Variants in PDE1A observed in about 807,000 individuals in gnomAD.
The protein encoded by PDE1A is phosphodiesterase 1A, also known as dual specificity calcium/calmodulin-dependent 3',5'-cyclic nucleotide phosphodiesterase 1A.
Under a neutral mutation model 61.7 loss-of-function variants are expected in PDE1A, and 35 were observed. The ratio of observed to expected loss-of-function variants is 0.57; its 90% CI spans 0.43 to 0.75. PDE1A has a LOEUF of 0.75. Ranked by LOEUF, PDE1A falls within the 30% of genes least tolerant of loss-of-function variation. PDE1A has a pLI of 0.00. For synonymous variants in PDE1A, 232 were observed against 213.2 expected (o/e 1.09, Z -0.77); for missense variants, 597 against 630.6 (o/e 0.95, Z 0.57).
In PDE1A at chr2:182,450,568, C is replaced by A. The variant is rs1351330771; in HGVS notation, c.101+71708G>T. 1.1e-4 allele frequency among the ~76,000 whole-genome samples: 16 copies of A among 140,650 alleles called. No individual in the cohort carries two copies. The East Asian group carries it at 2.9e-3, about 25-fold the overall frequency. The allele number at this position is 140,650 out of a possible 152,430, so 92.3% of individuals were successfully genotyped here. On this transcript the variant is annotated intron_variant, in intron 2 of 14. Coordinates refer to the PDE1A transcript ENST00000410103. ...AAAAATGTTTTCATAAAAAAAAAAA[C>A]CAACATTACTAGGGCAATGAAAATT...
At chr2:182,527,011 A>G (rs1288360308), upstream of PDE1A, among the ~76,000 whole-genome samples, 1 of 151,842 alleles carries the variant, frequency 6.6e-6, no homozygotes, top group East Asian at 1.9e-4. Context: ...AAATAAATAG[A>G]AAAAATTATT....
chr2:182,272,690 G>A (rs1324156775), intron 1 of PDE1A, among the ~76,000 whole-genome samples: 1 of 152,112 alleles, frequency 6.6e-6, no homozygotes, highest in East Asian at 1.9e-4. Flanking sequence ...GAAAGGAAGT[G>A]TGAGAGAAAC....
At chr2:182,711,231 G>A in the PDE1A span, among the ~76,000 whole-genome samples, 1 of 152,172 alleles carries the variant, frequency 6.6e-6, no homozygotes. Context: ...GAGCAATCCA[G>A]TATAAGGTAG....
intron 2 of PDE1A, among the ~76,000 whole-genome samples, chr2:182,250,544 T>C (rs967933981): frequency 6.6e-6 from 1 of 151,264 alleles, no homozygotes; most frequent in Admixed American, 6.6e-5. Flanking sequence ...AGCTTACCAA[T>C]TTATCTCAAT....
intron 2 of PDE1A, among the ~76,000 whole-genome samples, chr2:182,449,087 A>ACACACACACACACACACAC: frequency 7.1e-6 from 1 of 141,004 alleles, no homozygotes; most frequent in East Asian, 2.1e-4. Context: ...CACACACACA[A>ACACACACACACACACACAC]ACAAAACCCA....
At chr2:182,631,375 T>C in the PDE1A span, among the ~76,000 whole-genome samples, 3 of 152,160 alleles carry the variant, frequency 2.0e-5, no homozygotes, top group Admixed American at 6.5e-5. Context: ...TAGTTACATA[T>C]GTATACATGT....
At chr2:182,642,016 T>G in the PDE1A span, among the ~76,000 whole-genome samples, 1 of 152,168 alleles carries the variant, frequency 6.6e-6, no homozygotes, top group Non-Finnish European at 1.5e-5. Context: ...CATTTAATCA[T>G]AAAGACAAAG....
At chr2:182,318,975 C>G (rs943631261) in intron 1 of PDE1A, among the ~76,000 whole-genome samples, 3 of 152,068 alleles carry the variant, frequency 2.0e-5, no homozygotes, top group African/African-American at 7.2e-5. Flanking sequence ...GTGTTGAGAA[C>G]TGCCTTGGAG....
intron 1 of PDE1A, among the ~76,000 whole-genome samples, chr2:182,307,407 C>T (rs1695658939): frequency 6.6e-6 from 1 of 152,104 alleles, no homozygotes; most frequent in African/African-American, 2.4e-5. Flanking sequence ...AATGTGCTTT[C>T]ACTGTCACCC....
intron 1 of PDE1A, among the ~76,000 whole-genome samples, chr2:182,415,053 C>A (rs765170702): frequency 1.6e-4 from 25 of 152,024 alleles, no homozygotes; most frequent in Non-Finnish European, 3.1e-4. Context: ...AAGTAAACAT[C>A]ATGAAATAAT....
chr2:182,710,116 C>T, the PDE1A span, among the ~76,000 whole-genome samples: 3 of 152,134 alleles, frequency 2.0e-5, no homozygotes, highest in South Asian at 2.1e-4. Flanking sequence ...AGGATGGTCT[C>T]GATCTCCTGA....
chr2:182,294,926 G>A (rs991542590), intron 1 of PDE1A, among the ~76,000 whole-genome samples: 73 of 151,982 alleles, frequency 4.8e-4, no homozygotes, highest in African/African-American at 1.7e-3. Flanking sequence ...AGAAACCTTT[G>A]GCCCATGAGA....
chr2:182,186,502 A>T, exon 12 of PDE1A: 1 of 1,613,048 alleles, frequency 6.2e-7, no homozygotes, highest in Non-Finnish European at 8.5e-7. Context: ...TCGGCTTTTG[A>T]GGCTTCCTCT....
At chr2:182,705,241 C>T in the PDE1A span, among the ~76,000 whole-genome samples, 1 of 152,114 alleles carries the variant, frequency 6.6e-6, no homozygotes, top group Admixed American at 6.5e-5. Context: ...TGGCAGCTCA[C>T]GTAGCCTAAT....
At chr2:182,178,676 G>T (rs762873304) in intron 13 of PDE1A, among the ~76,000 whole-genome samples, 1 of 152,082 alleles carries the variant, frequency 6.6e-6, no homozygotes, top group Admixed American at 6.6e-5. Context: ...AGGAGGGGTG[G>T]CTGTGTAGAA....
upstream of PDE1A, among the ~76,000 whole-genome samples, chr2:182,527,303 T>TA (rs869281717): frequency 4.4e-4 from 10 of 22,842 alleles, 2 homozygotes; most frequent in Admixed American, 6.5e-4. Flanking sequence ...CCTTTCTCTA[T>TA]AAAAAAAAAA....
intron 1 of PDE1A, among the ~76,000 whole-genome samples, chr2:182,332,039 G>A (rs959288799): frequency 6.6e-6 from 1 of 151,946 alleles, no homozygotes; most frequent in African/African-American, 2.4e-5. Flanking sequence ...TGGCGGGTTT[G>A]TTCATTTCTT....
At chr2:182,169,821 T>C (rs2195878) in intron 13 of PDE1A, among the ~76,000 whole-genome samples, 30,991 of 151,568 alleles carry the variant, frequency 0.2, 3,399 homozygotes, top group East Asian at 0.33. Context: ...ATAATCTCTA[T>C]GGGAATGCAG....
the PDE1A span, among the ~76,000 whole-genome samples, chr2:182,569,254 A>AATATATATATATATATAGATATATAT: frequency 7.2e-6 from 1 of 138,538 alleles, no homozygotes; most frequent in Non-Finnish European, 1.6e-5. Context: ...ACCTGTCTCA[A>AATATATATATATATATAGATATATAT]ATATATATAT....
Sources: allele counts gnomAD v4.1 joint callset (sites outside exome capture counted in the v4.1 genomes callset), GRCh38; gene constraint gnomAD v4.1.1; transcripts MANE v1.5; gene names NCBI Gene and HGNC (gene_info 2026-07-23, HGNC 2026-07-21).